Variants in TENT4B observed in about 807,000 individuals in gnomAD.
TENT4B encodes the protein terminal nucleotidyltransferase 4B.
A neutral mutation model predicts 75.0 loss-of-function variants in TENT4B; 10 were observed. That is an observed-to-expected ratio of 0.13 (90% CI 0.08 to 0.23). The LOEUF (loss-of-function observed/expected upper bound fraction) is 0.23. Ranked by LOEUF, TENT4B falls within the 10% of genes least tolerant of loss-of-function variation. The pLI, the probability that TENT4B is intolerant of heterozygous loss-of-function variation, is 1.00. For missense variants in TENT4B, 579 were observed against 893.8 expected, an observed-to-expected ratio of 0.65 and a Z score of 4.49; for synonymous variants, 350 against 357.7, an observed-to-expected ratio of 0.98 and a Z score of 0.24.
chr16:50,156,524 A>G lies in TENT4B; in HGVS notation c.638+2265A>G, dbSNP rs538561748. Among the ~76,000 whole-genome samples, 103 of 151,882 alleles carry G rather than the reference A, an allele frequency of 6.8e-4. 1 individual carries two copies. The Middle Eastern group carries it at 0.01, about 15-fold the overall frequency. On this transcript the variant is annotated intron_variant, in intron 1 of 11. Coordinates refer to ENST00000561678, the MANE Select transcript of TENT4B (RefSeq NM_001365324.3). ...CACGCCTGGCTAATTTTTTATTTTT[A>G]GTAGAGACGGGGTTTCTTCATGTTG...
chr16:50,153,333 C>G lies in TENT4B; in HGVS notation c.-289C>G, dbSNP rs1459229798. ...TCTGTGGAGCCGCCGCCGCCGCCGC[C>G]GCCATTTGCACGGGGACCCCAGTGA... is the stretch of plus-strand genomic sequence containing the variant. On this transcript the variant is annotated 5_prime_UTR_variant, in exon 1 of 12. Coordinates refer to ENST00000561678, the MANE Select transcript of TENT4B (RefSeq NM_001365324.3). Among the ~76,000 whole-genome samples the G allele has an allele frequency of 2.8e-5, 4 of 144,724 alleles. No individual in the cohort carries two copies. Among genetic ancestry groups the G allele is most frequent in the African/African-American group, 1.0e-4 (4 of 40,056 alleles). 94.9% of individuals were successfully genotyped at this position (144,724 alleles called of 152,430 possible). A position where few individuals can be genotyped will look rare whatever the true frequency, so the allele number is the denominator to read the frequency against.
intron 1 of TENT4B, among the ~76,000 whole-genome samples, chr16:50,194,509 C>T (rs1340531880): frequency 6.6e-6 from 1 of 152,000 alleles, no homozygotes; most frequent in South Asian, 2.1e-4. Flanking sequence ...GCCACCATGC[C>T]TGGCCATTAT....
chr16:50,202,504 G>GT (rs1003303811), intron 1 of TENT4B, among the ~76,000 whole-genome samples: 3 of 151,834 alleles, frequency 2.0e-5, no homozygotes, highest in Admixed American at 6.6e-5. Flanking sequence ...TTTGTGCTTT[G>GT]TTTTTTTTCT....
rs760200097 is a variant in TENT4B, at chr16:50,211,420, A to T, written c.736A>T (p.Ile246Phe). The part of the protein sequence containing the change: ...MEVVNRIESV[I>F]KELWPSADVQ... The stretch of plus-strand genomic sequence containing the variant: ...GGTGGTGAACAGGATCGAGAGTGTA[A>T]TTAAGGAGCTCTGGCCCAGCGCTGA... The change falls in exon 2 of 12, where the codon ATT becomes TTT. Residue 246 changes from isoleucine (I) to phenylalanine (F), a missense_variant. Ile to Phe is a conservative substitution (Grantham distance 21). Around this residue, in one of 7 missense-constraint regions of TENT4B, gnomAD observed 18 missense variants for 23.9 expected, o/e 0.75. Coordinates refer to ENST00000561678, the MANE Select transcript of TENT4B (RefSeq NM_001365324.3). The T allele has an allele frequency of 6.2e-7, 1 of 1,604,304 alleles. No homozygotes were observed. The highest frequency in any genetic ancestry group is 1.4e-5 in the African/African-American group (1 of 74,026).
intron 1 of TENT4B, among the ~76,000 whole-genome samples, chr16:50,210,296 A>G (rs932953540): frequency 2.0e-5 from 3 of 152,176 alleles, no homozygotes; most frequent in Non-Finnish European, 4.4e-5. Context: ...ACTATGTTCA[A>G]GTCATTGCTC....
upstream of TENT4B, among the ~76,000 whole-genome samples, chr16:50,153,298 C>A (rs1031260273): frequency 3.3e-4 from 46 of 140,556 alleles, no homozygotes; most frequent in African/African-American, 1.1e-3. Context: ...CCGCCGCCGC[C>A]GCTCGCTCTT....
intron 3 of TENT4B, among the ~76,000 whole-genome samples, chr16:50,214,796 A>G (rs2150737709): frequency 6.6e-6 from 1 of 152,356 alleles, no homozygotes; most frequent in South Asian, 2.1e-4. Context: ...CAATGGAATC[A>G]ATTAGTTACT....
In TENT4B at chr16:50,232,519, C is replaced by G. The variant is rs939118963; in HGVS notation, c.*3191C>G. 1.6e-5 allele frequency: 16 copies of G among 985,108 alleles called. No homozygotes were observed. In the African/African-American group the frequency reaches 2.6e-4, roughly 16 times the overall value. 61.0% of individuals were successfully genotyped at this position (985,108 alleles called of 1,614,324 possible). On this transcript the variant is annotated 3_prime_UTR_variant, in exon 12 of 12. Transcript: ENST00000561678. ...AACCTTATATCTCTCCATGTGTTTTCTGCTCCTTCCCTCCCCCATGAAATG... is the reference window on the plus strand; with the variant it reads ...AACCTTATATCTCTCCATGTGTTTTGTGCTCCTTCCCTCCCCCATGAAATG...
intron 1 of TENT4B, among the ~76,000 whole-genome samples, chr16:50,207,859 C>T (rs1467830539): frequency 6.6e-6 from 1 of 152,212 alleles, no homozygotes; most frequent in African/African-American, 2.4e-5. Flanking sequence ...AACGGACTTC[C>T]AGCTCGTCAG....
At chr16:50,190,414 G>A (rs1567493787) in intron 1 of TENT4B, among the ~76,000 whole-genome samples, 1 of 151,958 alleles carries the variant, frequency 6.6e-6, no homozygotes, top group Non-Finnish European at 1.5e-5. Context: ...TTACTGTCTA[G>A]TTTCAGAACG....
intron 1 of TENT4B, among the ~76,000 whole-genome samples, chr16:50,172,777 C>T (rs1329960517): frequency 2.6e-5 from 4 of 152,104 alleles, no homozygotes; most frequent in African/African-American, 4.8e-5. Context: ...TGAGTAGTTT[C>T]ACTGCCCTAA....
chr16:50,182,836 A>G (rs1258857723), intron 1 of TENT4B, among the ~76,000 whole-genome samples: 1 of 148,188 alleles, frequency 6.7e-6, no homozygotes, highest in Non-Finnish European at 1.5e-5. Context: ...TTAACAGTGA[A>G]TGAGGAAAAC....
At position 50,233,941 on chromosome 16, in the gene TENT4B, T is replaced by C; in HGVS notation, c.*4613T>C. 2 of 985,466 alleles carry C rather than the reference T, an allele frequency of 2.0e-6. No individual in the cohort carries two copies. The highest frequency in any genetic ancestry group is 1.2e-6 in the Non-Finnish European group (1 of 829,936). The allele number at this position is 985,466 out of a possible 1,614,324, so 61.0% of individuals were successfully genotyped here. A position where few individuals can be genotyped will look rare whatever the true frequency, so the allele number is the denominator to read the frequency against. ...CTCTTGTGTATTTCAGTGAACATTT[T>C]TATTAGTAGTTGCATATCATCTCTA... On this transcript the variant is annotated 3_prime_UTR_variant, in exon 12 of 12. Transcript: ENST00000561678.
intron 1 of TENT4B, among the ~76,000 whole-genome samples, chr16:50,189,305 G>C (rs184698821): frequency 6.6e-6 from 1 of 152,082 alleles, no homozygotes; most frequent in Non-Finnish European, 1.5e-5. Flanking sequence ...TCTCAACTGA[G>C]TTGTCCCTAT....
chr16:50,169,646 A>G (rs1376032158), intron 1 of TENT4B, among the ~76,000 whole-genome samples: 3 of 152,110 alleles, frequency 2.0e-5, no homozygotes, highest in Non-Finnish European at 4.4e-5. Flanking sequence ...TGCTTCTTAT[A>G]GGGAAAGCAG....
Position 50,232,388 on chromosome 16 carries a change from C to T in TENT4B, c.*3060C>T. 2 of 985,172 alleles carry T rather than the reference C, an allele frequency of 2.0e-6. No individual in the cohort carries two copies. Among genetic ancestry groups the T allele is most frequent in the Non-Finnish European group, 1.2e-6 (1 of 829,894 alleles). The allele number at this position is 985,172 out of a possible 1,614,324, so 61.0% of individuals were successfully genotyped here. On this transcript the variant is annotated 3_prime_UTR_variant, in exon 12 of 12. Transcript: ENST00000561678. Reference sequence around the variant, plus strand: ...CTTTACCTTTACTTGCATTTTGAGCCTCATTAATATTTAGGTTATTTGATT... The same window carrying T: ...CTTTACCTTTACTTGCATTTTGAGCTTCATTAATATTTAGGTTATTTGATT...
intron 1 of TENT4B, among the ~76,000 whole-genome samples, chr16:50,167,410 GTTT>G (rs572193610): frequency 6.9e-6 from 1 of 144,066 alleles, no homozygotes; most frequent in Admixed American, 6.9e-5. Context: ...TTTCTTTTAG[GTTT>G]TTTTTTTTCT....
chr16:50,224,027 G>A (rs990427848), intron 7 of TENT4B, among the ~76,000 whole-genome samples: 2 of 152,196 alleles, frequency 1.3e-5, no homozygotes, highest in African/African-American at 4.8e-5. Flanking sequence ...TTGGACTTCA[G>A]TGGAAGTGCT....
At position 50,224,667 on chromosome 16, in the gene TENT4B, T is replaced by G. The variant is rs1440113331; in HGVS notation, c.1392T>G (p.Val464=). The change falls in exon 8 of 12, where the codon GTT becomes GTG. Residue 464 remains valine, a synonymous_variant. Transcript: ENST00000561678. The part of the protein sequence containing the change: ...IEDPLQPGND[V]GRSSYGAMQV... ...ATATTTCTTTTAAAGGTAACGATGT[T>G]GGAAGGAGTTCATATGGGGCCATGC... 3 of 1,614,006 alleles carry G rather than the reference T, an allele frequency of 1.9e-6. No homozygotes were observed. Among genetic ancestry groups the G allele is most frequent in the Non-Finnish European group, 1.7e-6 (2 of 1,179,882 alleles).
Sources: allele counts gnomAD v4.1 joint callset (sites outside exome capture counted in the v4.1 genomes callset), GRCh38; gene constraint gnomAD v4.1.1; regional missense constraint gnomAD v4.1.1; transcripts MANE v1.5; gene names NCBI Gene and HGNC (gene_info 2026-07-23, HGNC 2026-07-21).